CHIC2: variants seen among roughly 807,000 people sequenced by gnomAD.
CHIC2 encodes the protein cysteine-rich hydrophobic domain-containing protein 2.
CHIC2 carries 14 observed loss-of-function variants against 25.9 expected under a neutral mutation model. That is an observed-to-expected ratio of 0.54 (90% CI 0.36 to 0.85). The LOEUF is 0.85. Ranked by LOEUF, CHIC2 falls within the 40% of genes least tolerant of loss-of-function variation. CHIC2 has a pLI of 0.01. For missense variants in CHIC2, 146 were observed against 202.0 expected (o/e 0.72, Z 1.68); for synonymous variants, 70 against 72.0 (o/e 0.97, Z 0.14).
intron 3 of CHIC2, among the ~76,000 whole-genome samples, chr4:54,031,510 A>G (rs1199650797): frequency 6.6e-6 from 1 of 152,136 alleles, no homozygotes; most frequent in South Asian, 2.1e-4. Flanking sequence ...AAGAAGACAA[A>G]CACTGAGAAT....
At chr4:54,030,952 C>T (rs34903519) in intron 3 of CHIC2, among the ~76,000 whole-genome samples, 40,688 of 150,530 alleles carry the variant, frequency 0.27, 6,318 homozygotes, top group Middle Eastern at 0.4. Flanking sequence ...TGGCTCACTG[C>T]AACCTTTGCC....
chr4:54,053,628 G>GA (rs1717076909), intron 1 of CHIC2, among the ~76,000 whole-genome samples: 1 of 150,510 alleles, frequency 6.6e-6, no homozygotes, highest in Admixed American at 6.6e-5. Context: ...TGTATCAAGA[G>GA]AAAATAGCTG....
At chr4:54,056,477 T>A (rs1359663333) in intron 1 of CHIC2, among the ~76,000 whole-genome samples, 3 of 152,146 alleles carry the variant, frequency 2.0e-5, no homozygotes, top group Non-Finnish European at 2.9e-5. Context: ...ACATTTATAA[T>A]TGAGCAGTTT....
At chr4:54,084,959 C>CAAAAAAAAAAAAAAAAAAAAAAAAAA in the CHIC2 span, among the ~76,000 whole-genome samples, 7 of 58,922 alleles carry the variant, frequency 1.2e-4, no homozygotes, top group African/African-American at 2.1e-4. Context: ...TGCTCTGTCT[C>CAAAAAAAAAAAAAAAAAAAAAAAAAA]AAAAAAAAAA....
intron 3 of CHIC2, among the ~76,000 whole-genome samples, chr4:54,036,301 C>T (rs1335290836): frequency 6.6e-6 from 1 of 152,098 alleles, no homozygotes; most frequent in Non-Finnish European, 1.5e-5. Flanking sequence ...TCTTGCATTG[C>T]TATAAAGAAA....
the CHIC2 span, among the ~76,000 whole-genome samples, chr4:54,081,062 A>T: frequency 6.6e-6 from 1 of 150,462 alleles, no homozygotes; most frequent in African/African-American, 2.4e-5. Flanking sequence ...TATTTGATTA[A>T]TATCTCAAAA....
intron 3 of CHIC2, among the ~76,000 whole-genome samples, chr4:54,016,883 G>A (rs539284809): frequency 5.3e-5 from 8 of 150,000 alleles, no homozygotes; most frequent in African/African-American, 1.7e-4. Context: ...TTATTTGTTA[G>A]TAACAACAAA....
At position 54,064,244 on chromosome 4, in the gene CHIC2, C is replaced by T. The variant is rs1042715986; in HGVS notation, c.57G>A (p.Glu19=). 6.2e-6 allele frequency: 10 copies of T among 1,610,340 alleles called. No individual in the cohort carries two copies. The Admixed American group carries it at 1.2e-4, about 19-fold the overall frequency. The change falls in exon 1 of 6, where the codon GAG becomes GAA. Residue 19 remains glutamate, a synonymous_variant. Transcript: ENST00000263921. The surrounding 1 kb of genome is among the most constrained non-coding windows in gnomAD (Gnocchi z 4.2). ...CCGGCGAGTACTTGAGCAGCTGCTCCTCCAGGGCCCGCTCCTCGTCCTCCT... is the reference window on the plus strand; with the variant it reads ...CCGGCGAGTACTTGAGCAGCTGCTCTTCCAGGGCCCGCTCCTCGTCCTCCT... ...EEEEDEERAL[E]EQLLKYSPDP... is the part of the protein sequence containing the mutation.
At chr4:54,089,907 A>G in the CHIC2 span, among the ~76,000 whole-genome samples, 4 of 152,216 alleles carry the variant, frequency 2.6e-5, no homozygotes, top group African/African-American at 9.6e-5. Flanking sequence ...ACAAGTGGAA[A>G]ATTCCACACA....
At chr4:54,014,147 C>G in intron 3 of CHIC2, 28 bp from the exon 4 acceptor site, 1 of 1,608,914 alleles carries the variant, frequency 6.2e-7, no homozygotes, top group Non-Finnish European at 8.5e-7. Context: ...AAAAAGTTTA[C>G]TCTTGACTGG....
Position 54,064,567 on chromosome 4 carries a change from G to A in CHIC2, c.-267C>T. On this transcript the variant is annotated 5_prime_UTR_variant, in exon 1 of 6. Coordinates refer to ENST00000263921, the MANE Select transcript of CHIC2 (RefSeq NM_012110.4). This position sits in a 1 kb window ranked among gnomAD's most constrained non-coding sequence, Gnocchi z 4.2. ...GGCCGACACCTCCACAAGCACAGAC[G>A]CCGCTGCCGCCGCCGCAGCAGCAGC... is the stretch of plus-strand genomic sequence containing the variant. 3.9e-6 allele frequency: 5 copies of A among 1,272,742 alleles called. No individual in the cohort carries two copies. Among genetic ancestry groups the A allele is most frequent in the Middle Eastern group, 3.0e-4 (1 of 3,312 alleles). The allele number at this position is 1,272,742 out of a possible 1,614,324, so 78.8% of individuals were successfully genotyped here.
rs1360204786 is a variant in CHIC2, at chr4:54,042,325, TAC to T, written c.330+6628_330+6629del. ...CTAAATGAAATGTACTTTCAGAAAC[TAC>T]AGATTAAACTAGCTTAAAAAGTCAA... On this transcript the variant is annotated intron_variant, in intron 3 of 5. Coordinates refer to ENST00000263921, the MANE Select transcript of CHIC2 (RefSeq NM_012110.4). Among the ~76,000 whole-genome samples the T allele has an allele frequency of 2.0e-5, 3 of 152,284 alleles. No individual in the cohort carries two copies. In the East Asian group the frequency reaches 5.8e-4, roughly 29 times the overall value.
Position 54,064,167 on chromosome 4 carries a change from T to C in CHIC2, c.119+15A>G. On this transcript the variant is annotated intron_variant, in intron 1 of 5. Transcript: ENST00000263921. This position sits in a 1 kb window ranked among gnomAD's most constrained non-coding sequence, Gnocchi z 4.2. ...CAGCCCGCACCTCCCGCCCTCGCCCTCCTCCGGGCCTTACACGGTGACGTG... is the reference window on the plus strand; with the variant it reads ...CAGCCCGCACCTCCCGCCCTCGCCCCCCTCCGGGCCTTACACGGTGACGTG... 6.3e-7 allele frequency: 1 copy of C among 1,592,888 alleles called. No homozygotes were observed. Among genetic ancestry groups the C allele is most frequent in the Non-Finnish European group, 8.6e-7 (1 of 1,169,308 alleles).
intron 3 of CHIC2, among the ~76,000 whole-genome samples, chr4:54,041,438 C>T (rs1716575577): frequency 6.6e-6 from 1 of 152,062 alleles, no homozygotes; most frequent in Non-Finnish European, 1.5e-5. Context: ...AATGAAAATA[C>T]ATCTTTTTAA....
chr4:54,054,023 A>G (rs939960004), intron 1 of CHIC2, among the ~76,000 whole-genome samples: 4 of 152,152 alleles, frequency 2.6e-5, no homozygotes, highest in African/African-American at 7.2e-5. Flanking sequence ...ACACCTGACA[A>G]GTGATCCGCC....
the CHIC2 span, among the ~76,000 whole-genome samples, chr4:54,086,608 A>G: frequency 1.3e-5 from 2 of 152,242 alleles, no homozygotes; most frequent in East Asian, 3.9e-4. Flanking sequence ...ATGGGAGAAA[A>G]AAATAGAGCA....
chr4:54,053,012 C>A (rs1241438384), intron 1 of CHIC2, among the ~76,000 whole-genome samples: 1 of 152,068 alleles, frequency 6.6e-6, no homozygotes, highest in Non-Finnish European at 1.5e-5. Context: ...ATTAAACAAC[C>A]ATTAAAAATG....
chr4:54,054,274 C>A (rs1717102779), intron 1 of CHIC2, among the ~76,000 whole-genome samples: 1 of 152,212 alleles, frequency 6.6e-6, no homozygotes, highest in African/African-American at 2.4e-5. Flanking sequence ...GTCCTTCTTA[C>A]TTCAGTTTTA....
At chr4:54,067,843 A>G (rs1173613200), upstream of CHIC2, among the ~76,000 whole-genome samples, 4 of 151,902 alleles carry the variant, frequency 2.6e-5, no homozygotes, top group South Asian at 2.1e-4. Context: ...CCTTTTCTTC[A>G]TCTTCAAATG....
Sources: gnomAD v4.1 joint callset for allele counts (sites outside exome capture counted in the v4.1 genomes callset) on GRCh38, gnomAD v4.1.1 for gene constraint, Gnocchi (gnomAD v3.1) non-coding constraint, MANE v1.5 for transcripts, NCBI Gene and HGNC (gene_info 2026-07-23, HGNC 2026-07-21) for gene names.